The following TIAM2 variants were observed in gnomAD, a reference collection of about 807,000 sequenced individuals.
The protein encoded by TIAM2 is rho guanine nucleotide exchange factor TIAM2.
A neutral mutation model predicts 152.9 loss-of-function variants in TIAM2; 80 were observed. The ratio of observed to expected loss-of-function variants is 0.52; its 90% CI spans 0.44 to 0.63. The LOEUF (loss-of-function observed/expected upper bound fraction) is 0.63. TIAM2 is among the 30% of genes least tolerant of loss of function. TIAM2 has a pLI of 0.00. For synonymous variants in TIAM2, 804 were observed against 838.0 expected, an observed-to-expected ratio of 0.96 and a Z score of 0.70; for missense variants, 1,965 against 2,120.1, an observed-to-expected ratio of 0.93 and a Z score of 1.44.
chr6:155,065,105 C>T (rs1777663137), intron 1 of TIAM2, among the ~76,000 whole-genome samples: 1 of 152,122 alleles, frequency 6.6e-6, no homozygotes, highest in Admixed American at 6.5e-5. Context: ...AGGCACCCGA[C>T]ACCACGCCCG....
At chr6:155,209,340 A>C (rs1344670395) in intron 14 of TIAM2, among the ~76,000 whole-genome samples, 1 of 152,162 alleles carries the variant, frequency 6.6e-6, no homozygotes, top group East Asian at 1.9e-4. Context: ...CTTAGGCTGG[A>C]TACAGTAGGA....
At chr6:155,021,325 G>T (rs373584343) in intron 1 of TIAM2, among the ~76,000 whole-genome samples, 1 of 152,032 alleles carries the variant, frequency 6.6e-6, no homozygotes. Context: ...GCAATGGTAC[G>T]ATCTCGGCTC....
intron 1 of TIAM2, among the ~76,000 whole-genome samples, chr6:155,063,814 G>T (rs76447792): frequency 0.044 from 6,467 of 146,858 alleles, 509 homozygotes; most frequent in African/African-American, 0.16. Flanking sequence ...TTATGGAACT[G>T]TTAAGACTTG....
At chr6:155,101,745 C>CTGT (rs775361737) in intron 2 of TIAM2, among the ~76,000 whole-genome samples, 179 of 152,308 alleles carry the variant, frequency 1.2e-3, no homozygotes, top group Non-Finnish European at 9.7e-4. Context: ...GAGTCTTGCT[C>CTGT]TGTTGCCCAG....
chr6:155,116,113 G>T (rs939261236), intron 2 of TIAM2, among the ~76,000 whole-genome samples: 1 of 152,104 alleles, frequency 6.6e-6, no homozygotes, highest in Admixed American at 6.5e-5. Context: ...CAGAAAAAAA[G>T]AATGGATTAG....
At chr6:155,190,073 C>G (rs1469784666) in intron 14 of TIAM2, among the ~76,000 whole-genome samples, 1 of 152,180 alleles carries the variant, frequency 6.6e-6, no homozygotes, top group East Asian at 1.9e-4. Flanking sequence ...TATAACGTAT[C>G]GTTGCATGTA....
rs1002702775 is a variant in TIAM2, at chr6:155,213,326, T to A, written c.3168+2019T>A. On this transcript the variant is annotated intron_variant, in intron 15 of 26. Coordinates refer to ENST00000682666, the MANE Select transcript of TIAM2 (RefSeq NM_012454.4). The surrounding 1 kb of genome is among the most constrained non-coding windows in gnomAD (Gnocchi z 4.2). ...TTCTCTCTGCAGGCTGGTTGTCCCA[T>A]AGAGTGTTCACCTCTCAGCAGAGAG... 1.1e-4 allele frequency among the ~76,000 whole-genome samples: 17 copies of A among 152,112 alleles called. No individual in the cohort carries two copies. The highest frequency in any genetic ancestry group is 4.1e-4 in the African/African-American group (17 of 41,444).
intron 1 of TIAM2, among the ~76,000 whole-genome samples, chr6:154,997,612 G>A (rs911605332): frequency 6.7e-6 from 1 of 148,196 alleles, no homozygotes; most frequent in Non-Finnish European, 1.5e-5. Flanking sequence ...TTCCGTGAAC[G>A]AGTGAAGAAA....
chr6:155,134,108 T>C (rs1281139308), intron 4 of TIAM2, among the ~76,000 whole-genome samples: 1 of 152,072 alleles, frequency 6.6e-6, no homozygotes. Flanking sequence ...TTCGATTTGA[T>C]GGAAGTGAAG....
At position 155,117,337 on chromosome 6, in the gene TIAM2, C is replaced by T. The variant is rs541100039; in HGVS notation, c.-117-10153C>T. Among the ~76,000 whole-genome samples, 81 of 152,180 alleles carry T rather than the reference C, an allele frequency of 5.3e-4. 3 individuals are homozygous for T. The highest frequency in any genetic ancestry group is 1.7e-3 in the African/African-American group (72 of 41,520). On this transcript the variant is annotated intron_variant, in intron 2 of 26. Transcript: ENST00000682666. ...GTTTCTGCAATGGCTCACATATAGC[C>T]GGGCCACTGAATTTACTTGACATTC...
intron 14 of TIAM2, among the ~76,000 whole-genome samples, chr6:155,204,391 C>G (rs1242148713): frequency 6.6e-6 from 1 of 152,018 alleles, no homozygotes; most frequent in East Asian, 1.9e-4. Flanking sequence ...CCTGTAGAGC[C>G]AGTGGCTGAC....
chr6:155,138,834 A>G (rs1349753899), intron 5 of TIAM2, among the ~76,000 whole-genome samples: 1 of 151,986 alleles, frequency 6.6e-6, no homozygotes, highest in Non-Finnish European at 1.5e-5. Context: ...CCAGTCTATC[A>G]TTGATGGACC....
chr6:155,212,887 C>T (rs1781757379), intron 15 of TIAM2, among the ~76,000 whole-genome samples: 1 of 152,174 alleles, frequency 6.6e-6, no homozygotes, highest in South Asian at 2.1e-4. Context: ...GCAGCAGCTG[C>T]AGGCTCTAGC....
intron 14 of TIAM2, among the ~76,000 whole-genome samples, chr6:155,209,131 G>A (rs548044223): frequency 2.6e-5 from 4 of 152,022 alleles, no homozygotes; most frequent in African/African-American, 9.7e-5. Context: ...GCAGCCTGTG[G>A]GCTTTCCTCA....
In TIAM2 at chr6:155,176,939, G is replaced by C; in HGVS notation, c.2485G>C (p.Glu829Gln). ...NHGVTVGIKPEHRVEDILTLA... is the reference protein window; with the variant it reads ...NHGVTVGIKPQHRVEDILTLA... ...CGGAGTTACTGTAGGGATCAAGCCAGAGCACAGAGTAGAAGATATTTTGAC... is the reference window on the plus strand; with the variant it reads ...CGGAGTTACTGTAGGGATCAAGCCACAGCACAGAGTAGAAGATATTTTGAC... Residue 829 changes from glutamate (E) to glutamine (Q), a missense_variant, in exon 10 of 27, where the codon GAG becomes CAG. Around this residue, in one of 3 missense-constraint regions of TIAM2, gnomAD observed 1,025 missense variants for 1,119.4 expected, o/e 0.92. Coordinates refer to ENST00000682666, the MANE Select transcript of TIAM2 (RefSeq NM_012454.4). 6.2e-7 allele frequency: 1 copy of C among 1,613,576 alleles called. No homozygotes were observed. The highest frequency in any genetic ancestry group is 1.1e-5 in the South Asian group (1 of 90,986).
chr6:155,099,078 T>C (rs1447729698), intron 2 of TIAM2, among the ~76,000 whole-genome samples: 1 of 150,602 alleles, frequency 6.6e-6, no homozygotes, highest in Non-Finnish European at 1.5e-5. Context: ...TCCTAGCTAC[T>C]TGGGAGGCTG....
chr6:155,254,043 C>A lies in TIAM2; in HGVS notation c.4296C>A (p.Ile1432=). Residue 1432 remains isoleucine (I), a synonymous_variant, in exon 25 of 27, where the codon ATC becomes ATA. Coordinates refer to ENST00000682666, the MANE Select transcript of TIAM2 (RefSeq NM_012454.4). ...AAATAGAAGGACGGCCAGAAACCAT[C>A]TTTCAGTTGTGTTGCAGGTATGACT... is the stretch of plus-strand genomic sequence containing the variant. ...KSEIEGRPET[I]FQLCCSDSES... The A allele has an allele frequency of 6.2e-7, 1 of 1,614,080 alleles. No homozygotes were observed. The highest frequency in any genetic ancestry group is 2.2e-5 in the East Asian group (1 of 44,880).
chr6:155,151,714 G>A (rs1363503788), intron 7 of TIAM2, among the ~76,000 whole-genome samples: 1 of 152,158 alleles, frequency 6.6e-6, no homozygotes, highest in Non-Finnish European at 1.5e-5. Flanking sequence ...AGGCAGTGGA[G>A]TGGCACTGTG....
intron 1 of TIAM2, among the ~76,000 whole-genome samples, chr6:155,001,147 A>G (rs1274304727): frequency 6.6e-6 from 1 of 152,230 alleles, no homozygotes; most frequent in South Asian, 2.1e-4. Context: ...CCAGAAATAT[A>G]AAGGAAGTGC....
Sources: gnomAD v4.1 joint callset for allele counts (sites outside exome capture counted in the v4.1 genomes callset) on GRCh38, gnomAD v4.1.1 for gene constraint, gnomAD v4.1.1 regional missense constraint, Gnocchi (gnomAD v3.1) non-coding constraint, MANE v1.5 for transcripts, NCBI Gene and HGNC (gene_info 2026-07-23, HGNC 2026-07-21) for gene names.